Variants in MBD5 observed in about 807,000 individuals in gnomAD.
The protein encoded by MBD5 is methyl-CpG binding domain protein 5.
In MBD5, 13 loss-of-function variants were observed where a neutral mutation model predicts 117.3. The observed-to-expected ratio is 0.11, with a 90% CI of 0.07 to 0.18. The LOEUF (loss-of-function observed/expected upper bound fraction) is 0.18, where lower values mean the gene tolerates loss of function less well. Ranked by LOEUF, MBD5 falls within the 10% of genes least tolerant of loss-of-function variation. The pLI is 1.00. For synonymous variants in MBD5, 727 were observed against 766.4 expected (o/e 0.95, Z 0.85); for missense variants, 1,879 against 2,093.8 (o/e 0.90, Z 2.00).
intron 4 of MBD5, among the ~76,000 whole-genome samples, chr2:148,385,636 T>A (rs1343326064): frequency 2.6e-5 from 4 of 152,202 alleles, no homozygotes; most frequent in South Asian, 2.1e-4. Context: ...TTATAAATCA[T>A]GCTGCTATAA....
At chr2:148,306,910 CATAGAA>C (rs1427222745) in intron 3 of MBD5, among the ~76,000 whole-genome samples, 1 of 152,124 alleles carries the variant, frequency 6.6e-6, no homozygotes, top group Non-Finnish European at 1.5e-5. Context: ...GACATATACT[CATAGAA>C]ATAGAAAATA....
intron 1 of MBD5, among the ~76,000 whole-genome samples, chr2:148,093,106 T>G (rs1366612239): frequency 6.6e-6 from 1 of 152,086 alleles, no homozygotes; most frequent in Non-Finnish European, 1.5e-5. Flanking sequence ...GAACAGGGTT[T>G]CACCATGTTG....
At position 148,276,667 on chromosome 2, in the gene MBD5, T is replaced by C. The variant is rs866051402; in HGVS notation, c.-680+43272T>C. Among the ~76,000 whole-genome samples, 7 of 152,360 alleles carry C rather than the reference T, an allele frequency of 4.6e-5. No homozygotes were observed. In the Middle Eastern group the frequency reaches 0.01, roughly 222 times the overall value. On this transcript the variant is annotated intron_variant, in intron 3 of 13. Transcript: ENST00000642680. ...CAATTATTTCAGTAATGTCGTTTTA[T>C]AGCAATTTTTTCTCCAATCTGGGTT...
intron 4 of MBD5, among the ~76,000 whole-genome samples, chr2:148,457,162 T>G (rs1028383807): frequency 6.6e-6 from 1 of 152,164 alleles, no homozygotes; most frequent in Non-Finnish European, 1.5e-5. Flanking sequence ...TTTAACACAG[T>G]TTTTCAGAGT....
At chr2:148,209,134 A>G (rs16828420) in intron 2 of MBD5, among the ~76,000 whole-genome samples, 22,992 of 152,200 alleles carry the variant, frequency 0.15, 1,894 homozygotes, top group African/African-American at 0.19. Flanking sequence ...TTATGTTGAC[A>G]TAGGAGCATA....
intron 3 of MBD5, among the ~76,000 whole-genome samples, chr2:148,324,363 A>G (rs1333471460): frequency 4.6e-5 from 7 of 152,204 alleles, no homozygotes; most frequent in Non-Finnish European, 2.9e-5. Context: ...GTTTTTTCCA[A>G]TTCTGTGAAG....
At chr2:148,498,986 G>C (rs184146779) in intron 11 of MBD5, among the ~76,000 whole-genome samples, 30 of 152,136 alleles carry the variant, frequency 2.0e-4, no homozygotes, top group Admixed American at 4.6e-4. Context: ...AATGAAAGAA[G>C]AGTTTTTAAT....
chr2:148,274,334 C>T (rs1198789170), intron 3 of MBD5, among the ~76,000 whole-genome samples: 2 of 152,032 alleles, frequency 1.3e-5, no homozygotes, highest in Non-Finnish European at 2.9e-5. Flanking sequence ...CACCCATCAA[C>T]CCATCACCTA....
At chr2:148,153,365 C>T (rs927977971) in intron 1 of MBD5, among the ~76,000 whole-genome samples, 1 of 151,432 alleles carries the variant, frequency 6.6e-6, no homozygotes, top group African/African-American at 2.4e-5. Flanking sequence ...CTCTGGCTGC[C>T]CTTAACATTT....
intron 1 of MBD5, among the ~76,000 whole-genome samples, chr2:148,103,090 T>G (rs1696274441): frequency 6.6e-6 from 1 of 152,122 alleles, no homozygotes; most frequent in Admixed American, 6.6e-5. Context: ...ATCAGACTGT[T>G]GTCTTAGAAT....
chr2:148,393,204 C>A (rs1367856366), intron 4 of MBD5: 4 of 152,038 alleles, frequency 2.6e-5, no homozygotes. Context: ...AAGAAATTAC[C>A]AGCATGTTTT....
chr2:148,469,039 A>G lies in MBD5; in HGVS notation c.1096A>G (p.Ser366Gly), dbSNP rs1368738958. Residue 366 changes from serine to glycine, a missense_variant, in exon 8 of 14, where the codon AGT (serine) becomes GGT (glycine). By Grantham distance (56) the Ser-to-Gly change is moderately conservative. Coordinates refer to ENST00000642680, the MANE Select transcript of MBD5 (RefSeq NM_001378120.1). The part of the protein sequence containing the change: ...DPLGILDPIP[S>G]KPVNQNPVII... The stretch of plus-strand genomic sequence containing the variant: ...ACTTGGCATTCTTGACCCTATTCCT[A>G]GTAAACCAGTGAATCAGAACCCTGT... The G allele has an allele frequency of 1.2e-6, 2 of 1,613,918 alleles. No homozygotes were observed. Among genetic ancestry groups the G allele is most frequent in the Non-Finnish European group, 1.7e-6 (2 of 1,179,950 alleles).
At position 148,483,798 on chromosome 2, in the gene MBD5, C is replaced by T. The variant is rs181919984; in HGVS notation, c.3207C>T (p.Asn1069=). The T allele has an allele frequency of 3.5e-3, 5,493 of 1,550,572 alleles. 21 individuals are homozygous for T. The highest frequency in any genetic ancestry group is 4.3e-3 in the Non-Finnish European group (4,989 of 1,146,980). ...TTGCAGGCAGTGACACTACTTTTAACCCCCTGTTCCTCCCAGCTGTCAATG... is the reference window on the plus strand; with the variant it reads ...TTGCAGGCAGTGACACTACTTTTAATCCCCTGTTCCTCCCAGCTGTCAATG... ...PSFAGSDTTF[N]PLFLPAVNGA... is the part of the protein sequence containing the mutation. The change falls in exon 9 of 14, where the codon AAC becomes AAT. Residue 1069 remains asparagine (N), a synonymous_variant. Coordinates refer to ENST00000642680, the MANE Select transcript of MBD5 (RefSeq NM_001378120.1).
chr2:148,332,555 A>G (rs1266978637), intron 3 of MBD5, among the ~76,000 whole-genome samples: 2 of 152,028 alleles, frequency 1.3e-5, no homozygotes, highest in Non-Finnish European at 2.9e-5. Context: ...CATTTGATTG[A>G]TATTGTGGCT....
rs1703149684 is a variant in MBD5, at chr2:148,347,451, AT to A, written c.-557+5117del. ...TTAAAATGGCCTCTATAAGAATTTAATTATTTTAATATGGCATGCCTCACCA... is the reference window on the plus strand; with the variant it reads ...TTAAAATGGCCTCTATAAGAATTTAATATTTTAATATGGCATGCCTCACCA... On this transcript the variant is annotated intron_variant, in intron 4 of 13. Transcript: ENST00000642680. 11 of 152,104 alleles carry A rather than the reference AT, an allele frequency of 7.2e-5. No homozygotes were observed. The South Asian group carries it at 2.3e-3, about 32-fold the overall frequency. 9.4% of individuals were successfully genotyped at this position (152,104 alleles called of 1,614,324 possible). A position where few individuals can be genotyped will look rare whatever the true frequency, so the allele number is the denominator to read the frequency against.
At chr2:148,311,802 G>A (rs190620057) in intron 3 of MBD5, among the ~76,000 whole-genome samples, 2 of 152,026 alleles carry the variant, frequency 1.3e-5, no homozygotes, top group Non-Finnish European at 2.9e-5. Context: ...TTTCCTTTCC[G>A]TATTTAGTGC....
chr2:148,218,649 G>A (rs1005511312), intron 2 of MBD5, among the ~76,000 whole-genome samples: 4 of 152,162 alleles, frequency 2.6e-5, no homozygotes, highest in African/African-American at 7.2e-5. Flanking sequence ...GTACACTTAC[G>A]CTATAGGGTA....
chr2:148,298,870 T>C (rs1457184464), intron 3 of MBD5, among the ~76,000 whole-genome samples: 1 of 152,210 alleles, frequency 6.6e-6, no homozygotes, highest in African/African-American at 2.4e-5. Flanking sequence ...TTTATATACA[T>C]GGCATTCTGT....
At chr2:148,090,289 G>T (rs1346889899) in intron 1 of MBD5, among the ~76,000 whole-genome samples, 1 of 151,984 alleles carries the variant, frequency 6.6e-6, no homozygotes, top group African/African-American at 2.4e-5. Context: ...CAATTTTACT[G>T]AAACCATTCC....
Sources: allele counts gnomAD v4.1 joint callset (sites outside exome capture counted in the v4.1 genomes callset), GRCh38; gene constraint gnomAD v4.1.1; transcripts MANE v1.5; gene names NCBI Gene and HGNC (gene_info 2026-07-23, HGNC 2026-07-21).